Variants in DCDC1 observed in about 807,000 individuals in gnomAD.
DCDC1 encodes the protein doublecortin domain-containing protein 1.
Under a neutral mutation model 178.3 loss-of-function variants are expected in DCDC1, and 200 were observed. That is an observed-to-expected ratio of 1.12 (90% CI 1.00 to 1.26). DCDC1 has a LOEUF of 1.26. Among genes scored for constraint, DCDC1 ranks in the 50% most tolerant of loss-of-function variants. The probability of loss-of-function intolerance (pLI) is 0.00; values close to 1 mark genes in which losing one functional copy is unlikely to be tolerated. For missense variants in DCDC1, 1,983 were observed against 1,749.2 expected (o/e 1.13, Z -2.38); for synonymous variants, 690 against 604.8 (o/e 1.14, Z -2.07).
chr11:31,143,210 G>A (rs1964050644), intron 9 of DCDC1, among the ~76,000 whole-genome samples: 2 of 152,172 alleles, frequency 1.3e-5, no homozygotes. Context: ...GGAGTGGCTG[G>A]AGATGGAGAA....
rs1331534957 is a variant in DCDC1 at position 31,343,692 on chromosome 11, G to T, written c.-124-8128C>A. On this transcript the variant is annotated intron_variant, in intron 1 of 38. Coordinates refer to ENST00000684477, the MANE Select transcript of DCDC1 (RefSeq NM_001387274.1). The stretch of plus-strand genomic sequence containing the variant: ...CCAGCATTTTGGGAGGCCGAGATGG[G>T]TAGACCACTTGAGGTCAGGAATTCA... Among the ~76,000 whole-genome samples, 7 of 152,224 alleles carry T rather than the reference G, an allele frequency of 4.6e-5. No homozygotes were observed. In the East Asian group the frequency reaches 1.4e-3, roughly 29 times the overall value.
At chr11:31,216,169 A>G (rs1363337551) in intron 9 of DCDC1, among the ~76,000 whole-genome samples, 1 of 152,216 alleles carries the variant, frequency 6.6e-6, no homozygotes, top group Non-Finnish European at 1.5e-5. Context: ...ATCTGGGCAG[A>G]AAGGGGTTGC....
chr11:31,140,182 T>C (rs1963641745), intron 9 of DCDC1, among the ~76,000 whole-genome samples: 1 of 152,200 alleles, frequency 6.6e-6, no homozygotes, highest in Non-Finnish European at 1.5e-5. Context: ...AACTATATGC[T>C]TTCGATTTGC....
At chr11:31,227,896 T>C (rs60871308) in intron 9 of DCDC1, among the ~76,000 whole-genome samples, 3,141 of 152,072 alleles carry the variant, frequency 0.021, 98 homozygotes, top group African/African-American at 0.071. Context: ...ACAAAGAATA[T>C]TACCAGGAAT....
At position 30,916,928 on chromosome 11, in the gene DCDC1, G is replaced by A. The variant is rs1007508591; in HGVS notation, c.3394C>T (p.Leu1132Phe). 1 of 1,609,474 alleles carries A rather than the reference G, an allele frequency of 6.2e-7. No individual in the cohort carries two copies. Among genetic ancestry groups the A allele is most frequent in the African/African-American group, 1.3e-5 (1 of 74,836 alleles). ...AGCCCTTTTTCCGTTTTCTTTGGAAGACTGTCATCCTCATCAAAGTCATGT... is the reference window on the plus strand; with the variant it reads ...AGCCCTTTTTCCGTTTTCTTTGGAAAACTGTCATCCTCATCAAAGTCATGT... ...TSHDFDEDDS[L>F]PKKTEKGLFE... Residue 1132 changes from leucine (L) to phenylalanine (F), a missense_variant, in exon 26 of 39, where the codon CTT (leucine) becomes TTT (phenylalanine). Leu to Phe is a conservative substitution (Grantham distance 22). Coordinates refer to ENST00000684477, the MANE Select transcript of DCDC1 (RefSeq NM_001387274.1).
intron 29 of DCDC1, 93 bp downstream of exon 29, chr11:30,908,853 A>T (rs1444559335): frequency 2.5e-6 from 3 of 1,186,006 alleles, no homozygotes; most frequent in Non-Finnish European, 3.4e-6. Context: ...GTATGAACAT[A>T]AAGTTTTCTA....
At chr11:31,267,363 T>G (rs948302841) in intron 7 of DCDC1, among the ~76,000 whole-genome samples, 15 of 152,084 alleles carry the variant, frequency 9.9e-5, no homozygotes, top group African/African-American at 3.6e-4. Context: ...GCTAATTTTT[T>G]GTATTTTTAG....
chr11:31,282,562 A>T (rs1591635159), intron 7 of DCDC1, among the ~76,000 whole-genome samples: 1 of 152,080 alleles, frequency 6.6e-6, no homozygotes. Flanking sequence ...TGCAGCCAGG[A>T]AACATACTTA....
chr11:30,949,110 C>G (rs1022234869), intron 21 of DCDC1, among the ~76,000 whole-genome samples: 23 of 152,108 alleles, frequency 1.5e-4, no homozygotes, highest in Non-Finnish European at 2.9e-4. Flanking sequence ...ATCCATCTGA[C>G]AAATGTCTAA....
chr11:31,295,135 A>G (rs1228258676), intron 6 of DCDC1, among the ~76,000 whole-genome samples: 2 of 152,258 alleles, frequency 1.3e-5, no homozygotes, highest in African/African-American at 4.8e-5. Context: ...ACCTACACAC[A>G]TCCCCCTGTG....
At chr11:31,079,540 G>A (rs1957058665) in intron 17 of DCDC1, among the ~76,000 whole-genome samples, 2 of 152,138 alleles carry the variant, frequency 1.3e-5, no homozygotes. Context: ...GATAACCTGG[G>A]ACTTGTGACT....
At chr11:31,345,034 A>G (rs545834420) in intron 1 of DCDC1, among the ~76,000 whole-genome samples, 1 of 152,344 alleles carries the variant, frequency 6.6e-6, no homozygotes, top group African/African-American at 2.4e-5. Context: ...GATAAATATC[A>G]GAAATGGTAA....
chr11:30,947,769 G>T (rs939810210), intron 21 of DCDC1, among the ~76,000 whole-genome samples: 2 of 151,964 alleles, frequency 1.3e-5, no homozygotes, highest in Non-Finnish European at 2.9e-5. Context: ...AATCAACAAA[G>T]TAAAGAGACA....
intron 18 of DCDC1, among the ~76,000 whole-genome samples, chr11:31,070,931 C>T (rs1034834996): frequency 6.6e-6 from 1 of 152,176 alleles, no homozygotes. Context: ...AGATACTCTA[C>T]CTACTCTTGG....
At chr11:31,284,002 C>T (rs2137313503) in intron 7 of DCDC1, among the ~76,000 whole-genome samples, 1 of 151,380 alleles carries the variant, frequency 6.6e-6, no homozygotes, top group African/African-American at 2.4e-5. Flanking sequence ...CTACTACGAT[C>T]CATAAATTGC....
At chr11:31,264,997 T>G (rs746024319) in intron 8 of DCDC1, among the ~76,000 whole-genome samples, 3 of 152,096 alleles carry the variant, frequency 2.0e-5, no homozygotes, top group Admixed American at 6.6e-5. Context: ...ATTGATAACA[T>G]TTATCAGCAT....
intron 11 of DCDC1, among the ~76,000 whole-genome samples, chr11:31,119,766 T>C (rs932570672): frequency 2.0e-5 from 3 of 152,186 alleles, no homozygotes; most frequent in African/African-American, 7.2e-5. Context: ...ATTTAAGTAT[T>C]CAATGCACAG....
intron 27 of DCDC1, among the ~76,000 whole-genome samples, chr11:30,913,734 C>A (rs1945624805): frequency 6.6e-6 from 1 of 152,182 alleles, no homozygotes; most frequent in Admixed American, 6.5e-5. Flanking sequence ...ACACATGACC[C>A]AACATCTCAT....
At chr11:31,249,669 C>T (rs1458953706) in intron 8 of DCDC1, among the ~76,000 whole-genome samples, 1 of 152,008 alleles carries the variant, frequency 6.6e-6, no homozygotes, top group Non-Finnish European at 1.5e-5. Flanking sequence ...CAAGTCTTGC[C>T]CTAGAGAGAT....
Sources: gnomAD v4.1 joint callset for allele counts (sites outside exome capture counted in the v4.1 genomes callset) on GRCh38, gnomAD v4.1.1 for gene constraint, MANE v1.5 for transcripts, NCBI Gene and HGNC (gene_info 2026-07-23, HGNC 2026-07-21) for gene names.